RANBP2: variants seen among roughly 807,000 people sequenced by gnomAD.
RANBP2 encodes RAN binding protein 2, also known as E3 SUMO-protein ligase RanBP2.
RANBP2 carries 57 observed loss-of-function variants against 303.6 expected under a neutral mutation model. The observed-to-expected ratio is 0.19, with a 90% CI of 0.15 to 0.23. The LOEUF is 0.23. Ranked by LOEUF, RANBP2 falls within the 10% of genes least tolerant of loss-of-function variation. The pLI is 1.00. For missense variants in RANBP2, 3,138 were observed against 3,780.8 expected, an observed-to-expected ratio of 0.83 and a Z score of 4.46; for synonymous variants, 1,167 against 1,301.5, an observed-to-expected ratio of 0.90 and a Z score of 2.23.
the RANBP2 span, among the ~76,000 whole-genome samples, chr2:109,482,244 G>A: frequency 6.6e-5 from 10 of 152,056 alleles, no homozygotes; most frequent in African/African-American, 2.4e-4. Context: ...GACAGTGCCC[G>A]GCTCATAGTC....
the RANBP2 span, among the ~76,000 whole-genome samples, chr2:109,692,891 T>C: frequency 6.6e-6 from 1 of 150,670 alleles, no homozygotes; most frequent in African/African-American, 2.4e-5. Flanking sequence ...CGATCTCGGC[T>C]CTCTGCAACC....
At chr2:109,238,974 G>C in the RANBP2 span, among the ~76,000 whole-genome samples, 1 of 152,168 alleles carries the variant, frequency 6.6e-6, no homozygotes, top group East Asian at 1.9e-4. Context: ...TCTGCCTCCA[G>C]TTCTTTCTGT....
At chr2:108,988,804 G>A in the RANBP2 span, among the ~76,000 whole-genome samples, 1 of 152,200 alleles carries the variant, frequency 6.6e-6, no homozygotes, top group Non-Finnish European at 1.5e-5. Context: ...AGAACTGGTA[G>A]CGCAGACATA....
the RANBP2 span, among the ~76,000 whole-genome samples, chr2:109,572,336 T>C: frequency 1.3e-5 from 2 of 152,146 alleles, no homozygotes; most frequent in African/African-American, 4.8e-5. Flanking sequence ...GGTTTCACCG[T>C]GTTAGCCAGG....
the RANBP2 span, among the ~76,000 whole-genome samples, chr2:108,978,480 G>T: frequency 6.6e-6 from 1 of 152,220 alleles, no homozygotes; most frequent in East Asian, 1.9e-4. Context: ...GTTTTGCAAC[G>T]TATTTCTAGA....
the RANBP2 span, among the ~76,000 whole-genome samples, chr2:109,636,324 T>G: frequency 6.6e-6 from 1 of 152,140 alleles, no homozygotes; most frequent in African/African-American, 2.4e-5. Flanking sequence ...TTTTTTCTAT[T>G]AAAAATAATA....
At chr2:109,147,006 C>G in the RANBP2 span, among the ~76,000 whole-genome samples, 1 of 151,082 alleles carries the variant, frequency 6.6e-6, no homozygotes, top group South Asian at 2.1e-4. Flanking sequence ...CATCTCCCAA[C>G]CTGATGATGT....
the RANBP2 span, among the ~76,000 whole-genome samples, chr2:109,417,702 G>A: frequency 2.0e-5 from 3 of 152,194 alleles, no homozygotes; most frequent in African/African-American, 7.2e-5. Flanking sequence ...GGTTGCACCC[G>A]CTCATTCTGC....
At chr2:109,130,143 C>T in the RANBP2 span, 34,196 of 1,280,724 alleles carry the variant, frequency 0.027, 577 homozygotes, top group Non-Finnish European at 0.029. Context: ...GAAGTGGCCA[C>T]GGCACGTGGG....
chr2:109,723,819 G>A, the RANBP2 span, among the ~76,000 whole-genome samples: 6 of 152,028 alleles, frequency 3.9e-5, no homozygotes, highest in African/African-American at 7.3e-5. Context: ...TGCTTTTGGC[G>A]TTTTCATTAT....
chr2:109,369,901 T>C, the RANBP2 span, among the ~76,000 whole-genome samples: 1 of 152,170 alleles, frequency 6.6e-6, no homozygotes, highest in Admixed American at 6.5e-5. Flanking sequence ...AATTGCTGCT[T>C]TGTGTTACAG....
the RANBP2 span, among the ~76,000 whole-genome samples, chr2:109,549,528 T>C: frequency 6.6e-6 from 1 of 152,220 alleles, no homozygotes; most frequent in Non-Finnish European, 1.5e-5. Context: ...GTTCCATTAT[T>C]CACTACGACA....
the RANBP2 span, among the ~76,000 whole-genome samples, chr2:109,208,901 G>A: frequency 6.6e-6 from 1 of 152,214 alleles, no homozygotes; most frequent in Admixed American, 6.5e-5. Context: ...AAGAGGGCCA[G>A]TGTGGGCATC....
the RANBP2 span, chr2:109,552,764 C>T: frequency 4.6e-6 from 1 of 217,716 alleles, no homozygotes; most frequent in Admixed American, 5.8e-5. Flanking sequence ...AAATTGTATA[C>T]CGTGGATTCA....
the RANBP2 span, among the ~76,000 whole-genome samples, chr2:108,856,544 T>C: frequency 6.6e-6 from 1 of 152,220 alleles, no homozygotes; most frequent in Non-Finnish European, 1.5e-5. Flanking sequence ...TTAAAAAATG[T>C]GGCTTGTTAT....
the RANBP2 span, chr2:108,885,484 T>C: frequency 2.6e-5 from 4 of 152,252 alleles, no homozygotes; most frequent in African/African-American, 9.6e-5. Context: ...GTAAGTACTG[T>C]ATCTGTAAAA....
the RANBP2 span, among the ~76,000 whole-genome samples, chr2:109,079,334 A>G: frequency 6.6e-6 from 1 of 152,182 alleles, no homozygotes; most frequent in African/African-American, 2.4e-5. Flanking sequence ...AAGATACAAA[A>G]TTTGTATGAA....
the RANBP2 span, among the ~76,000 whole-genome samples, chr2:109,260,237 C>T: frequency 6.6e-6 from 1 of 152,242 alleles, no homozygotes; most frequent in East Asian, 1.9e-4. Context: ...ACCGTCCTCT[C>T]CCTAGTGGAA....
the RANBP2 span, among the ~76,000 whole-genome samples, chr2:108,933,679 C>T: frequency 0.019 from 2,862 of 152,272 alleles, 42 homozygotes; most frequent in African/African-American, 0.04. Context: ...TGGACTGAGG[C>T]AAGATTGAGG....
Sources: allele counts gnomAD v4.1 joint callset (sites outside exome capture counted in the v4.1 genomes callset), GRCh38; gene constraint gnomAD v4.1.1; transcripts MANE v1.5; gene names NCBI Gene and HGNC (gene_info 2026-07-23, HGNC 2026-07-21).